Variants in GALNT16 observed in about 807,000 individuals in gnomAD.
GALNT16 encodes the protein UDP-GalNAc:polypeptide N-acetylgalactosaminyltransferase-like protein 1.
A neutral mutation model predicts 76.1 loss-of-function variants in GALNT16; 40 were observed. The observed-to-expected ratio is 0.53, with a 90% CI of 0.41 to 0.68. GALNT16 has a LOEUF of 0.68. Ranked by LOEUF, GALNT16 falls within the 30% of genes least tolerant of loss-of-function variation. The pLI, the probability that GALNT16 is intolerant of heterozygous loss-of-function variation, is 0.00. For missense variants in GALNT16, 621 were observed against 731.9 expected (o/e 0.85, Z 1.75); for synonymous variants, 276 against 285.2 (o/e 0.97, Z 0.32).
chr14:69,353,046 G>A lies in GALNT16; in HGVS notation c.*878G>A, dbSNP rs1277213174. Among the ~76,000 whole-genome samples, 1 of 152,174 alleles carries A rather than the reference G, an allele frequency of 6.6e-6. No individual in the cohort carries two copies. Among genetic ancestry groups the A allele is most frequent in the East Asian group, 1.9e-4 (1 of 5,184 alleles). ...CCTCTCTCTCGGGCATTAATGAACA[G>A]CTAGTGCCCTGTCCCTGCCGCCAGG... On this transcript the variant is annotated 3_prime_UTR_variant, in exon 15 of 15. Coordinates refer to ENST00000448469, the MANE Select transcript of GALNT16 (RefSeq NM_001168368.2).
the GALNT16 span, among the ~76,000 whole-genome samples, chr14:69,374,956 T>C: frequency 1.3e-5 from 2 of 152,202 alleles, no homozygotes; most frequent in Non-Finnish European, 2.9e-5. Flanking sequence ...ATGACATTAA[T>C]TTATTCATAA....
chr14:69,301,710 C>G (rs557301547), intron 1 of GALNT16, among the ~76,000 whole-genome samples: 3 of 151,302 alleles, frequency 2.0e-5, no homozygotes, highest in Non-Finnish European at 2.9e-5. Flanking sequence ...AGGGAAGGGC[C>G]GGGCGTGGTG....
At chr14:69,303,390 T>C (rs901161980) in intron 1 of GALNT16, among the ~76,000 whole-genome samples, 3 of 152,124 alleles carry the variant, frequency 2.0e-5, no homozygotes, top group African/African-American at 7.2e-5. Context: ...AGGGTAGAGA[T>C]GGCAGAGACT....
intron 1 of GALNT16, among the ~76,000 whole-genome samples, chr14:69,284,544 C>A (rs997664497): frequency 9.2e-5 from 14 of 152,190 alleles, no homozygotes; most frequent in Admixed American, 2.0e-4. Context: ...GACTCTGGGG[C>A]CTTCACTGAG....
At chr14:69,361,655 T>C (rs572231593), downstream of GALNT16, among the ~76,000 whole-genome samples, 1 of 152,288 alleles carries the variant, frequency 6.6e-6, no homozygotes, top group African/African-American at 2.4e-5. Flanking sequence ...TGAGCCAACG[T>C]TGGTTCCACA....
At chr14:69,346,018 C>T (rs940834486) in intron 12 of GALNT16, among the ~76,000 whole-genome samples, 3 of 151,992 alleles carry the variant, frequency 2.0e-5, no homozygotes, top group South Asian at 2.1e-4. Context: ...CTCCCAAGTA[C>T]GTGGGACTAT....
chr14:69,307,268 C>T (rs72625676), intron 1 of GALNT16, among the ~76,000 whole-genome samples: 9,934 of 152,192 alleles, frequency 0.065, 609 homozygotes, highest in East Asian at 0.32. Context: ...CACTTTTTCA[C>T]GTGACAAACG....
At chr14:69,344,018 G>A (rs571032037) in intron 12 of GALNT16, among the ~76,000 whole-genome samples, 24 of 152,242 alleles carry the variant, frequency 1.6e-4, no homozygotes, top group Admixed American at 3.3e-4. Flanking sequence ...CCTAGGCTGA[G>A]GGGCCAGGAG....
At chr14:69,382,684 C>CA in the GALNT16 span, among the ~76,000 whole-genome samples, 1 of 148,060 alleles carries the variant, frequency 6.8e-6, no homozygotes, top group Non-Finnish European at 1.5e-5. Flanking sequence ...AAAAAAAATA[C>CA]AAAAATTAGC....
intron 12 of GALNT16, among the ~76,000 whole-genome samples, chr14:69,343,491 C>G (rs970168364): frequency 1.3e-5 from 2 of 152,206 alleles, no homozygotes; most frequent in Admixed American, 1.3e-4. Flanking sequence ...GGAAGAAAGT[C>G]AGTGGCCTAG....
intron 10 of GALNT16, 106 bp from the exon 11 acceptor site, chr14:69,339,421 C>G (rs2045455861): frequency 1.3e-6 from 1 of 771,606 alleles, no homozygotes; most frequent in South Asian, 1.4e-5. Flanking sequence ...CACCTTGCTC[C>G]TGAGATTCTC....
intron 1 of GALNT16, among the ~76,000 whole-genome samples, chr14:69,288,498 T>C (rs1461495206): frequency 6.6e-6 from 1 of 152,202 alleles, no homozygotes; most frequent in Admixed American, 6.5e-5. Context: ...CTCCCACCAG[T>C]AACCCTGGCC....
At chr14:69,291,049 G>A (rs1475036176) in intron 1 of GALNT16, among the ~76,000 whole-genome samples, 2 of 152,176 alleles carry the variant, frequency 1.3e-5, no homozygotes, top group Non-Finnish European at 1.5e-5. Flanking sequence ...CCAACACTTT[G>A]GGAGGCCAAG....
At chr14:69,362,947 C>T in the GALNT16 span, among the ~76,000 whole-genome samples, 1 of 152,346 alleles carries the variant, frequency 6.6e-6, no homozygotes, top group East Asian at 1.9e-4. Flanking sequence ...GGCTTTGAAA[C>T]CTTGCTTCAT....
chr14:69,331,598 G>A, intron 7 of GALNT16, 47 bp downstream of exon 7: 1 of 1,091,764 alleles, frequency 9.2e-7, no homozygotes, highest in Non-Finnish European at 1.4e-6. Flanking sequence ...AAAGGAGGTA[G>A]GTGAGGCTAG....
At chr14:69,357,082 G>T (rs893733521), downstream of GALNT16, 2 of 152,234 alleles carry the variant, frequency 1.3e-5, no homozygotes, top group African/African-American at 2.4e-5. Flanking sequence ...AAACAAGACA[G>T]AAACGGTCCC....
At chr14:69,355,670 A>T (rs1309124300), downstream of GALNT16, 1 of 152,346 alleles carries the variant, frequency 6.6e-6, no homozygotes, top group Non-Finnish European at 1.5e-5. Flanking sequence ...GGGTATTAAC[A>T]GTTACGTCAC....
intron 1 of GALNT16, among the ~76,000 whole-genome samples, chr14:69,319,614 G>T (rs573835605): frequency 6.6e-6 from 1 of 152,206 alleles, no homozygotes; most frequent in East Asian, 1.9e-4. Context: ...GAGATGTCAG[G>T]GTGCTTGCAT....
chr14:69,375,627 A>G, the GALNT16 span, among the ~76,000 whole-genome samples: 397 of 152,024 alleles, frequency 2.6e-3, 1 homozygote, highest in Non-Finnish European at 4.4e-3. Context: ...TGATTTCTCT[A>G]GGGTTTACAA....
Sources: gnomAD v4.1 joint callset for allele counts (sites outside exome capture counted in the v4.1 genomes callset) on GRCh38, gnomAD v4.1.1 for gene constraint, MANE v1.5 for transcripts, NCBI Gene and HGNC (gene_info 2026-07-23, HGNC 2026-07-21) for gene names.